Variants in OPHN1 observed in about 807,000 individuals in gnomAD.
OPHN1 encodes oligophrenin-1.
OPHN1 carries 11 observed loss-of-function variants against 60.7 expected under a neutral mutation model. The observed-to-expected ratio is 0.18, with a 90% CI of 0.11 to 0.30. OPHN1 has a LOEUF of 0.30. Ranked by LOEUF, OPHN1 falls within the 10% of genes least tolerant of loss-of-function variation. The probability of loss-of-function intolerance (pLI) is 1.00; values close to 1 mark genes in which losing one functional copy is unlikely to be tolerated. For missense variants in OPHN1, 449 were observed against 611.0 expected, an observed-to-expected ratio of 0.73 and a Z score of 2.80; for synonymous variants, 226 against 222.6, an observed-to-expected ratio of 1.02 and a Z score of -0.14.
chrX:68,422,709 G>GAA (rs1555986484), intron 2 of OPHN1, among the ~76,000 whole-genome samples: 3,620 of 81,428 alleles, frequency 0.044, 258 homozygotes, highest in African/African-American at 0.16. Context: ...AAGAGAGAGA[G>GAA]AGAAAGAAAG....
intron 2 of OPHN1, among the ~76,000 whole-genome samples, chrX:68,339,677 G>A (rs1407356535): frequency 2.7e-5 from 3 of 111,649 alleles, no homozygotes; most frequent in African/African-American, 6.5e-5. Flanking sequence ...ATCTCAGCTC[G>A]CTGCACCCTC....
At chrX:68,058,036 G>A (rs1019495849) in intron 21 of OPHN1, among the ~76,000 whole-genome samples, 5 of 111,210 alleles carry the variant, frequency 4.5e-5, no homozygotes, top group Admixed American at 1.9e-4. Flanking sequence ...GTGCAGGCTC[G>A]TTACATAGGC....
intron 15 of OPHN1, among the ~76,000 whole-genome samples, chrX:68,120,386 C>T (rs2077145867): frequency 9.0e-6 from 1 of 111,720 alleles, no homozygotes; most frequent in Non-Finnish European, 1.9e-5. Flanking sequence ...AAAACAATCC[C>T]ATTTACAATA....
chrX:68,426,552 T>TTA (rs765336463), intron 2 of OPHN1, among the ~76,000 whole-genome samples: 5,080 of 16,161 alleles, frequency 0.31, 716 homozygotes, highest in Middle Eastern at 0.43. Flanking sequence ...GACATCTGTT[T>TTA]TATATATATA....
intron 15 of OPHN1, among the ~76,000 whole-genome samples, chrX:68,187,843 G>T (rs1321320975): frequency 1.8e-5 from 2 of 111,709 alleles, no homozygotes; most frequent in Non-Finnish European, 3.8e-5. Context: ...TAGCCAGGAT[G>T]GTCTCGATCT....
intron 2 of OPHN1, among the ~76,000 whole-genome samples, chrX:68,346,435 G>A (rs1385541696): frequency 9.0e-6 from 1 of 111,727 alleles, no homozygotes; most frequent in East Asian, 2.8e-4. Flanking sequence ...AGAAAACAAA[G>A]GCTTCTGCAT....
At chrX:68,319,847 A>G (rs770104180) in intron 2 of OPHN1, among the ~76,000 whole-genome samples, 1 of 111,131 alleles carries the variant, frequency 9.0e-6, no homozygotes, top group East Asian at 2.8e-4. Context: ...AGATTGAGAG[A>G]AAGTATTCAC....
intron 3 of OPHN1, among the ~76,000 whole-genome samples, chrX:68,284,972 T>C (rs1202797347): frequency 8.9e-6 from 1 of 112,360 alleles, no homozygotes; most frequent in African/African-American, 3.2e-5. Context: ...CTCTGCGTTT[T>C]GAACCCATAT....
At chrX:68,229,448 T>C (rs189591581) in intron 6 of OPHN1, among the ~76,000 whole-genome samples, 2 of 111,874 alleles carry the variant, frequency 1.8e-5, no homozygotes, top group Admixed American at 9.5e-5. Flanking sequence ...AGAGCCCACA[T>C]TGCCAAGACA....
intron 2 of OPHN1, among the ~76,000 whole-genome samples, chrX:68,302,727 G>T (rs1032076367): frequency 9.0e-6 from 1 of 111,368 alleles, no homozygotes; most frequent in Middle Eastern, 4.2e-3. Context: ...AGATCAGCCT[G>T]GGCAATATAG....
At chrX:68,227,438 A>G (rs1000754899) in intron 6 of OPHN1, among the ~76,000 whole-genome samples, 6 of 111,306 alleles carry the variant, frequency 5.4e-5, no homozygotes, top group Non-Finnish European at 9.4e-5. Flanking sequence ...CTCCACCCCA[A>G]ATCAACAGAA....
intron 2 of OPHN1, among the ~76,000 whole-genome samples, chrX:68,399,376 G>C (rs2078701454): frequency 9.0e-6 from 1 of 111,486 alleles, no homozygotes; most frequent in Admixed American, 9.6e-5. Flanking sequence ...TGAGGGGCTG[G>C]ACAGTAGCTC....
chrX:68,427,392 G>T (rs192945684), intron 2 of OPHN1, among the ~76,000 whole-genome samples: 62 of 111,485 alleles, frequency 5.6e-4, no homozygotes, highest in Middle Eastern at 4.6e-3. Context: ...CTGTAATTGG[G>T]TTAGTCATTC....
chrX:68,348,016 GC>G (rs1326828960), intron 2 of OPHN1, among the ~76,000 whole-genome samples: 15 of 111,898 alleles, frequency 1.3e-4, no homozygotes, highest in African/African-American at 1.6e-4. Context: ...CCAATTACCA[GC>G]TATAAGACCT....
chrX:68,419,094 G>A (rs891146738), intron 2 of OPHN1, among the ~76,000 whole-genome samples: 15 of 109,920 alleles, frequency 1.4e-4, no homozygotes, highest in African/African-American at 5.0e-4. Context: ...TGCAACCTCC[G>A]CCTCCCGGGT....
chrX:68,361,265 A>G (rs1005614181), intron 2 of OPHN1: 1 of 110,823 alleles, frequency 9.0e-6, no homozygotes, highest in Non-Finnish European at 1.9e-5. Flanking sequence ...GCGGATCACA[A>G]GGTAATGAGT....
rs4827572 is a variant in OPHN1 at position 68,217,380 on chromosome X, A to T, written c.487-3408T>A. On this transcript the variant is annotated intron_variant, in intron 6 of 24. Coordinates refer to ENST00000355520, the MANE Select transcript of OPHN1 (RefSeq NM_002547.3). ...GGCGCCCGCCATTGCCCAGGCTTGC[A>T]TAGGTAAACAAAGCAGCCAGGAAGC... 1.9e-3 allele frequency among the ~76,000 whole-genome samples: 208 copies of T among 110,699 alleles called. 6 individuals carry two copies. The South Asian group carries it at 0.052, about 28-fold the overall frequency.
intron 19 of OPHN1, among the ~76,000 whole-genome samples, chrX:68,089,062 C>G (rs1230931428): frequency 9.0e-6 from 1 of 111,390 alleles, no homozygotes; most frequent in African/African-American, 3.3e-5. Flanking sequence ...TCCACCCGAT[C>G]TCTCATTGCT....
chrX:68,070,344 G>C (rs2076928510), intron 20 of OPHN1, among the ~76,000 whole-genome samples: 1 of 111,680 alleles, frequency 9.0e-6, no homozygotes, highest in Admixed American at 9.5e-5. Context: ...GGCAAATCCA[G>C]GGTGCAGTAA....
Sources: gnomAD v4.1 joint callset for allele counts (sites outside exome capture counted in the v4.1 genomes callset) on GRCh38, gnomAD v4.1.1 for gene constraint, MANE v1.5 for transcripts, NCBI Gene and HGNC (gene_info 2026-07-23, HGNC 2026-07-21) for gene names.